The following CDH11 variants were observed in gnomAD, a reference collection of about 807,000 sequenced individuals.
CDH11 encodes cadherin 11, also known as cadherin-11.
In CDH11, 11 loss-of-function variants were observed where a neutral mutation model predicts 67.8. The ratio of observed to expected loss-of-function variants is 0.16; its 90% CI spans 0.10 to 0.27. CDH11 has a LOEUF of 0.27. CDH11 is among the 10% of genes least tolerant of loss of function. The probability of loss-of-function intolerance (pLI) is 1.00; values close to 1 mark genes in which losing one functional copy is unlikely to be tolerated. For synonymous variants in CDH11, 419 were observed against 400.0 expected, an observed-to-expected ratio of 1.05 and a Z score of -0.57; for missense variants, 847 against 1,031.2, an observed-to-expected ratio of 0.82 and a Z score of 2.45.
chr16:64,943,956 A>G lies in CDH11; in HGVS notation c.*3647T>C, dbSNP rs1333979806. ...AAGTTTAAAGAGTTGTCATCGATAC[A>G]AAATAACAAGGGTGACCTGCTTTCC... On this transcript the variant is annotated 3_prime_UTR_variant, in exon 13 of 13. Coordinates refer to ENST00000268603, the MANE Select transcript of CDH11 (RefSeq NM_001797.4). 4.3e-6 allele frequency: 1 copy of G among 231,240 alleles called. No homozygotes were observed. The highest frequency in any genetic ancestry group is 8.6e-6 in the Non-Finnish European group (1 of 116,814). 14.3% of individuals were successfully genotyped at this position (231,240 alleles called of 1,614,324 possible). A position where few individuals can be genotyped will look rare whatever the true frequency, so the allele number is the denominator to read the frequency against.
chr16:65,049,741 G>A (rs2074023186), intron 2 of CDH11, among the ~76,000 whole-genome samples: 1 of 152,096 alleles, frequency 6.6e-6, no homozygotes, highest in Admixed American at 6.5e-5. Flanking sequence ...CAGTCACATT[G>A]TACACATTGA....
intron 1 of CDH11, among the ~76,000 whole-genome samples, chr16:65,061,842 C>T (rs2074239664): frequency 6.6e-6 from 1 of 152,152 alleles, no homozygotes; most frequent in Admixed American, 6.5e-5. Flanking sequence ...GGACCAGGTC[C>T]TGGGCTAAGT....
intron 1 of CDH11, 88 bp from the exon 2 acceptor site, chr16:65,054,016 A>G: frequency 2.5e-6 from 1 of 407,316 alleles, no homozygotes; most frequent in Non-Finnish European, 5.1e-6. Flanking sequence ...CATATGACAG[A>G]CTTTTCTCTT....
At chr16:65,122,755 C>G (rs944983731), upstream of CDH11, among the ~76,000 whole-genome samples, 9 of 152,130 alleles carry the variant, frequency 5.9e-5, no homozygotes, top group African/African-American at 2.2e-4. Flanking sequence ...CGTTCTCTCT[C>G]AGCTCTCCTC....
rs79857373 is a variant in CDH11 at position 65,016,523 on chromosome 16, A to T, written c.-172-11482T>A. ...AATTAGATTTTCCATAATTCCAGGT[A>T]ATCCTATTGTGAAATTACAGATGTG... On this transcript the variant is annotated intron_variant, in intron 2 of 12. Coordinates refer to ENST00000268603, the MANE Select transcript of CDH11 (RefSeq NM_001797.4). Among the ~76,000 whole-genome samples the T allele has an allele frequency of 8.6e-3, 1,316 of 152,312 alleles. 20 individuals carry two copies. Among genetic ancestry groups the T allele is most frequent in the African/African-American group, 0.03 (1,236 of 41,572 alleles).
intron 1 of CDH11, among the ~76,000 whole-genome samples, chr16:65,069,150 G>A (rs937594745): frequency 3.3e-5 from 5 of 152,148 alleles, no homozygotes; most frequent in Admixed American, 1.3e-4. Context: ...ATAGGAGAAC[G>A]TTTAAGTAAA....
chr16:65,068,273 AG>A (rs992173365), intron 1 of CDH11, among the ~76,000 whole-genome samples: 2 of 152,068 alleles, frequency 1.3e-5, no homozygotes, highest in African/African-American at 2.4e-5. Flanking sequence ...CAGGTGAGTG[AG>A]GGGCCTGAAA....
At chr16:65,009,856 C>T (rs566302348) in intron 2 of CDH11, among the ~76,000 whole-genome samples, 46 of 152,284 alleles carry the variant, frequency 3.0e-4, no homozygotes, top group Non-Finnish European at 4.9e-4. Flanking sequence ...GCCACCAGCT[C>T]GAAAGGGAAG....
chr16:65,057,554 G>A (rs913171968), intron 1 of CDH11, among the ~76,000 whole-genome samples: 2 of 152,194 alleles, frequency 1.3e-5, no homozygotes, highest in African/African-American at 2.4e-5. Context: ...AATCAAGGAA[G>A]ACAGTCAGTG....
rs3046001 is a variant in CDH11, at chr16:64,945,301, T to TA, written c.*2301dup. 1,222 of 388,068 alleles carry TA rather than the reference T, an allele frequency of 3.1e-3. 2 individuals are homozygous for TA. Among genetic ancestry groups the TA allele is most frequent in the African/African-American group, 4.2e-3 (168 of 40,086 alleles). The allele number at this position is 388,068 out of a possible 1,614,324, so 24.0% of individuals were successfully genotyped here. Reference sequence around the variant, plus strand: ...AGAGGCTTAACGAAAAAATAAAAGGTAAAAAAAAAAAAAAAAAAGAAAAAG... The same window carrying TA: ...AGAGGCTTAACGAAAAAATAAAAGGTAAAAAAAAAAAAAAAAAAAGAAAAAG... On this transcript the variant is annotated 3_prime_UTR_variant, in exon 13 of 13. Transcript: ENST00000268603.
At position 65,060,352 on chromosome 16, in the gene CDH11, T is replaced by TAGAG. The variant is rs11471435; in HGVS notation, c.-297-6425_-297-6424insCTCT. Among the ~76,000 whole-genome samples, 1,354 of 137,282 alleles carry TAGAG rather than the reference T, an allele frequency of 9.9e-3. 7 individuals are homozygous for TAGAG. Among genetic ancestry groups the TAGAG allele is most frequent in the Non-Finnish European group, 0.015 (929 of 62,576 alleles). 90.1% of individuals were successfully genotyped at this position (137,282 alleles called of 152,430 possible). On this transcript the variant is annotated intron_variant, in intron 1 of 12. Transcript: ENST00000268603. ...TATAAAATTTGCATATATATATATATATAGAGAGAGAGAGAGAGAGACTAT... is the reference window on the plus strand; with the variant it reads ...TATAAAATTTGCATATATATATATATAGAGATAGAGAGAGAGAGAGAGAGACTAT...
chr16:64,985,759 G>A (rs1013519179), intron 7 of CDH11: 2 of 147,590 alleles, frequency 1.4e-5, no homozygotes, highest in African/African-American at 2.5e-5. Flanking sequence ...CTTTAGTGAG[G>A]GGAAGCCTGG....
intron 1 of CDH11, among the ~76,000 whole-genome samples, chr16:65,086,824 C>T (rs1350981507): frequency 6.6e-6 from 1 of 152,090 alleles, no homozygotes. Flanking sequence ...GCACAAAAGG[C>T]AATAGGTCCT....
At chr16:65,118,000 G>A (rs893022784) in intron 1 of CDH11, among the ~76,000 whole-genome samples, 2 of 152,158 alleles carry the variant, frequency 1.3e-5, no homozygotes, top group African/African-American at 4.8e-5. Flanking sequence ...CTAGAGAGAT[G>A]CTAATCCTGA....
At chr16:65,060,256 C>T (rs2142737897) in intron 1 of CDH11, among the ~76,000 whole-genome samples, 1 of 151,660 alleles carries the variant, frequency 6.6e-6, no homozygotes, top group South Asian at 2.1e-4. Context: ...TCCCACTCAG[C>T]AATGATGATT....
chr16:65,071,163 T>C (rs1288513781), intron 1 of CDH11, among the ~76,000 whole-genome samples: 1 of 151,982 alleles, frequency 6.6e-6, no homozygotes, highest in East Asian at 1.9e-4. Context: ...GAACCTATGC[T>C]CAAGAGAAAG....
rs77205700 is a variant in CDH11 at position 65,097,562 on chromosome 16, C to G, written c.-298+24318G>C. ...GATGCCAGCAGCATTCTCTCCCAAG[C>G]TGTGACAAAACAAATGTCTCTAGAT... is the stretch of plus-strand genomic sequence containing the variant. On this transcript the variant is annotated intron_variant, in intron 1 of 12. Coordinates refer to ENST00000268603, the MANE Select transcript of CDH11 (RefSeq NM_001797.4). 1.1e-4 allele frequency among the ~76,000 whole-genome samples: 17 copies of G among 152,236 alleles called. No homozygotes were observed. In the South Asian group the frequency reaches 3.3e-3, roughly 30 times the overall value.
At chr16:65,029,005 G>A (rs1472926977) in intron 2 of CDH11, among the ~76,000 whole-genome samples, 1 of 152,146 alleles carries the variant, frequency 6.6e-6, no homozygotes, top group African/African-American at 2.4e-5. Context: ...ATGTTCTAGA[G>A]ATCTGCTGTA....
chr16:64,946,705 C>A lies in CDH11; in HGVS notation c.*898G>T, dbSNP rs148666270. 1,236 of 931,538 alleles carry A rather than the reference C, an allele frequency of 1.3e-3. No individual in the cohort carries two copies. The highest frequency in any genetic ancestry group is 1.5e-3 in the Non-Finnish European group (1,190 of 768,878). 57.7% of individuals were successfully genotyped at this position (931,538 alleles called of 1,614,324 possible). A position where few individuals can be genotyped will look rare whatever the true frequency, so the allele number is the denominator to read the frequency against. On this transcript the variant is annotated 3_prime_UTR_variant, in exon 13 of 13. Transcript: ENST00000268603. ...CATAAATAGGGTTATTAAAAGATCA[C>A]AATTAAATTAGAAATATAAATGGAT...
Sources: allele counts gnomAD v4.1 joint callset (sites outside exome capture counted in the v4.1 genomes callset), GRCh38; gene constraint gnomAD v4.1.1; transcripts MANE v1.5; gene names NCBI Gene and HGNC (gene_info 2026-07-23, HGNC 2026-07-21).